The following ABL1 variants were observed in gnomAD, a reference collection of about 807,000 sequenced individuals.
The protein encoded by ABL1 is ABL proto-oncogene 1, non-receptor tyrosine kinase.
ABL1 carries 11 observed loss-of-function variants against 94.7 expected under a neutral mutation model. The observed-to-expected ratio is 0.12, with a 90% CI of 0.07 to 0.19. The LOEUF is 0.19. Among genes scored for constraint, ABL1 ranks in the 10% least tolerant of loss-of-function variants. The pLI, the probability that ABL1 is intolerant of heterozygous loss-of-function variation, is 1.00. For missense variants in ABL1, 1,082 were observed against 1,489.4 expected, an observed-to-expected ratio of 0.73 and a Z score of 4.50; for synonymous variants, 656 against 622.4, an observed-to-expected ratio of 1.05 and a Z score of -0.80.
intron 1 of ABL1, among the ~76,000 whole-genome samples, chr9:130,789,461 G>A (rs1229226419): frequency 6.6e-6 from 1 of 152,036 alleles, no homozygotes; most frequent in African/African-American, 2.4e-5. Context: ...GCAAGTTTAA[G>A]TCTTCCCTAA....
Position 130,885,421 on chromosome 9 carries a change from C to G in ABL1, c.3131C>G (p.Ser1044Cys). ...DSTEALCLAISRNSEQMASHS... is the reference protein window; with the variant it reads ...DSTEALCLAICRNSEQMASHS... ...ACCGAGGCGCTGTGCCTCGCCATCTCTAGGAACTCCGAGCAGATGGCCAGC... is the reference window on the plus strand; with the variant it reads ...ACCGAGGCGCTGTGCCTCGCCATCTGTAGGAACTCCGAGCAGATGGCCAGC... Residue 1044 changes from serine to cysteine, a missense_variant, in exon 11 of 11, where the codon TCT becomes TGT. By Grantham distance (112) the Ser-to-Cys change is moderately radical (BLOSUM62 -1). This residue lies in a region of ABL1 where 780 missense variants were observed against 835.8 expected (regional missense o/e 0.93). Transcript: ENST00000318560. 1.2e-6 allele frequency: 2 copies of G among 1,613,724 alleles called. No individual in the cohort carries two copies. The highest frequency in any genetic ancestry group is 1.1e-5 in the South Asian group (1 of 91,088).
intron 1 of ABL1, among the ~76,000 whole-genome samples, chr9:130,812,312 G>C (rs1280755941): frequency 1.3e-5 from 2 of 151,116 alleles, no homozygotes; most frequent in East Asian, 1.9e-4. Context: ...AGTGAGCTCT[G>C]ATCACACCAC....
At chr9:130,763,856 C>T (rs896463558) in intron 1 of ABL1, among the ~76,000 whole-genome samples, 5 of 152,044 alleles carry the variant, frequency 3.3e-5, no homozygotes, top group African/African-American at 4.8e-5. Context: ...GCAAATGTGC[C>T]GGGAATCAGT....
At chr9:130,784,849 C>T (rs935862357) in intron 1 of ABL1, among the ~76,000 whole-genome samples, 1 of 152,214 alleles carries the variant, frequency 6.6e-6, no homozygotes, top group Non-Finnish European at 1.5e-5. Context: ...CGAGATGCTT[C>T]CCCTGCATAA....
intron 1 of ABL1, among the ~76,000 whole-genome samples, chr9:130,742,056 T>G (rs1331284089): frequency 1.3e-5 from 2 of 152,056 alleles, no homozygotes; most frequent in African/African-American, 4.8e-5. Flanking sequence ...CTTGTGACCT[T>G]TTGCTCCACA....
chr9:130,758,457 G>GA lies in ABL1; in HGVS notation c.136+44003dup, dbSNP rs573910211. Among the ~76,000 whole-genome samples, 301 of 152,046 alleles carry GA rather than the reference G, an allele frequency of 2.0e-3. 1 individual carries two copies. The highest frequency in any genetic ancestry group is 3.2e-3 in the Admixed American group (49 of 15,274). On this transcript the variant is annotated intron_variant, in intron 1 of 10. Coordinates refer to the ABL1 transcript ENST00000372348. ...TTACAGGCATGAGCCACCAGAGACG[G>GA]AGTCTCACTCTGTTGCTCAGGCTGG...
rs371837093 is a variant in ABL1 at position 130,823,899 on chromosome 9, GTTCATT to G, written c.137-30159_137-30154del. The stretch of plus-strand genomic sequence containing the variant: ...TTGCAGGGTCCTGTGTGGGATTCCT[GTTCATT>G]TTCATCAAAGAAAGTCTAGTTGATA... On this transcript the variant is annotated intron_variant, in intron 1 of 10. Coordinates refer to the ABL1 transcript ENST00000372348. 8.3e-4 allele frequency among the ~76,000 whole-genome samples: 127 copies of G among 152,242 alleles called. 1 individual carries two copies. The highest frequency in any genetic ancestry group is 2.7e-3 in the African/African-American group (112 of 41,560).
Position 130,746,074 on chromosome 9 carries a change from A to C in ABL1, c.136+31619A>C, listed in dbSNP as rs149334194. 8.1e-3 allele frequency among the ~76,000 whole-genome samples: 1,229 copies of C among 152,272 alleles called. 15 individuals carry two copies. Among genetic ancestry groups the C allele is most frequent in the African/African-American group, 0.028 (1,146 of 41,544 alleles). On this transcript the variant is annotated intron_variant, in intron 1 of 10. Coordinates refer to the ABL1 transcript ENST00000372348. Reference sequence around the variant, plus strand: ...AAAATCATGGGTTTATCTGAATTCAAATCTCAGCTGCTCACTTACTAACAG... The same window carrying C: ...AAAATCATGGGTTTATCTGAATTCACATCTCAGCTGCTCACTTACTAACAG...
intron 8 of ABL1, among the ~76,000 whole-genome samples, chr9:130,879,381 A>T (rs1223235285): frequency 1.3e-5 from 2 of 152,026 alleles, no homozygotes; most frequent in African/African-American, 2.4e-5. Flanking sequence ...CCAGTACTCC[A>T]TTTCACTCAT....
At chr9:130,750,465 C>T (rs1383311436) in intron 1 of ABL1, among the ~76,000 whole-genome samples, 1 of 108,224 alleles carries the variant, frequency 9.2e-6, no homozygotes, top group African/African-American at 3.5e-5. Flanking sequence ...CACTCCCTTT[C>T]TTTTTTGACA....
At chr9:130,787,404 G>A (rs552381277) in intron 1 of ABL1, among the ~76,000 whole-genome samples, 3 of 152,128 alleles carry the variant, frequency 2.0e-5, no homozygotes, top group East Asian at 1.9e-4. Flanking sequence ...AATTTCCCAC[G>A]TTTCCCCCCA....
rs34668962 is a variant in ABL1, at chr9:130,733,752, G to A, written c.136+19297G>A. On this transcript the variant is annotated intron_variant, in intron 1 of 10. Transcript: ENST00000372348. ...CGCCACCGCGCCTGCCACCACGCCC[G>A]GCTAACTTTTTGTATTTTTAGTAGA... Among the ~76,000 whole-genome samples, 441 of 151,698 alleles carry A rather than the reference G, an allele frequency of 2.9e-3. 6 individuals carry two copies. The highest frequency in any genetic ancestry group is 0.027 in the Admixed American group (404 of 15,222).
chr9:130,848,368 CTT>C (rs1171418333), intron 1 of ABL1, among the ~76,000 whole-genome samples: 304 of 111,060 alleles, frequency 2.7e-3, no homozygotes, highest in African/African-American at 9.4e-3. Flanking sequence ...AAAAAAAAAA[CTT>C]AGCCAGGCGC....
chr9:130,725,824 G>GTTTTTTGT (rs1831574534), intron 1 of ABL1, among the ~76,000 whole-genome samples: 1 of 76,002 alleles, frequency 1.3e-5, no homozygotes, highest in Non-Finnish European at 2.4e-5. Context: ...GTGTATGGTG[G>GTTTTTTGT]TTTTTTTTTT....
rs143082472 is a variant in ABL1 at position 130,875,235 on chromosome 9, G to A, written c.1270+183G>A. On this transcript the variant is annotated intron_variant, in intron 7 of 10. Transcript: ENST00000318560. ...TGGCTCATTGCAGCCTCTCCCTCCC[G>A]GGTTCAAGCGATTCTCCTGTCTCAG... Among the ~76,000 whole-genome samples the A allele has an allele frequency of 5.9e-5, 9 of 152,102 alleles. No individual in the cohort carries two copies. The South Asian group carries it at 8.3e-4, about 14-fold the overall frequency.
intron 1 of ABL1, among the ~76,000 whole-genome samples, chr9:130,719,487 C>T (rs747479868): frequency 6.6e-6 from 1 of 152,096 alleles, no homozygotes; most frequent in South Asian, 2.1e-4. Context: ...TGAGATTGCA[C>T]GCCACTGCAC....
chr9:130,771,724 A>G (rs1293496354), intron 1 of ABL1, among the ~76,000 whole-genome samples: 1 of 131,748 alleles, frequency 7.6e-6, no homozygotes, highest in Admixed American at 7.5e-5. Context: ...TTCCTTGGTC[A>G]AATGACTTTT....
At chr9:130,750,406 TCCCTCCCTCCCTCCCTC>T (rs1484463913) in intron 1 of ABL1, among the ~76,000 whole-genome samples, 1 of 11,562 alleles carries the variant, frequency 8.6e-5, no homozygotes, top group African/African-American at 3.3e-4. Context: ...CCTTCCTCCC[TCCCTCCCTCCCTCCCTC>T]CCTCCCTCCC....
chr9:130,733,083 C>A (rs1831687637), intron 1 of ABL1, among the ~76,000 whole-genome samples: 1 of 152,136 alleles, frequency 6.6e-6, no homozygotes, highest in Non-Finnish European at 1.5e-5. Flanking sequence ...CTGAGGATGC[C>A]TGTCTTGTTT....
Sources: gnomAD v4.1 joint callset for allele counts (sites outside exome capture counted in the v4.1 genomes callset) on GRCh38, gnomAD v4.1.1 for gene constraint, gnomAD v4.1.1 regional missense constraint, MANE v1.5 for transcripts, NCBI Gene and HGNC (gene_info 2026-07-23, HGNC 2026-07-21) for gene names.